MAGI2: variants seen among roughly 807,000 people sequenced by gnomAD.
The protein encoded by MAGI2 is membrane-associated guanylate kinase, WW and PDZ domain-containing protein 2.
Under a neutral mutation model 133.3 loss-of-function variants are expected in MAGI2, and 35 were observed. The ratio of observed to expected loss-of-function variants is 0.26; its 90% confidence interval spans 0.20 to 0.35. The LOEUF (loss-of-function observed/expected upper bound fraction) is 0.35. Ranked by LOEUF, MAGI2 falls within the 10% of genes least tolerant of loss-of-function variation. MAGI2 has a pLI of 1.00. For synonymous variants in MAGI2, 729 were observed against 710.6 expected, an observed-to-expected ratio of 1.03 and a Z score of -0.41; for missense variants, 1,636 against 1,863.4, an observed-to-expected ratio of 0.88 and a Z score of 2.25.
chr7:79,159,115 T>TATATAAGAAAGGATCTCATGCGG (rs1472247718), intron 1 of MAGI2, among the ~76,000 whole-genome samples: 1 of 152,090 alleles, frequency 6.6e-6, no homozygotes, highest in Non-Finnish European at 1.5e-5. Context: ...AAAGTAATTT[T>TATATAAGAAAGGATCTCATGCGG]ATATAAGAAA....
chr7:78,838,033 G>T (rs1791803491), intron 2 of MAGI2, among the ~76,000 whole-genome samples: 1 of 152,098 alleles, frequency 6.6e-6, no homozygotes, highest in Admixed American at 6.6e-5. Context: ...TGACATTGTA[G>T]ATTGACTCTC....
chr7:78,525,936 A>G (rs1584498937), intron 3 of MAGI2, among the ~76,000 whole-genome samples: 1 of 152,238 alleles, frequency 6.6e-6, no homozygotes, highest in South Asian at 2.1e-4. Flanking sequence ...ATATAGATTA[A>G]TGATACTAAA....
chr7:78,326,342 A>G (rs1788586096), intron 9 of MAGI2, among the ~76,000 whole-genome samples: 1 of 152,194 alleles, frequency 6.6e-6, no homozygotes, highest in African/African-American at 2.4e-5. Flanking sequence ...TCCACATGAC[A>G]TCTCCTCTTA....
intron 3 of MAGI2, among the ~76,000 whole-genome samples, chr7:78,603,493 C>A (rs183440040): frequency 1.3e-5 from 2 of 152,282 alleles, no homozygotes; most frequent in African/African-American, 2.4e-5. Context: ...AGATTTGAAG[C>A]TTTCTTGATC....
intron 1 of MAGI2, among the ~76,000 whole-genome samples, chr7:79,102,809 T>G (rs2129543351): frequency 6.6e-6 from 1 of 152,290 alleles, no homozygotes; most frequent in South Asian, 2.1e-4. Flanking sequence ...TAGGCTACAG[T>G]CCCATTATTC....
At chr7:78,986,489 CT>C (rs199513921) in intron 2 of MAGI2, among the ~76,000 whole-genome samples, 12 of 151,204 alleles carry the variant, frequency 7.9e-5, no homozygotes, top group Middle Eastern at 3.4e-3. Context: ...TCAAACCGGT[CT>C]TTTTTTTTCC....
At chr7:78,298,857 C>T (rs539134514) in intron 9 of MAGI2, among the ~76,000 whole-genome samples, 32 of 143,598 alleles carry the variant, frequency 2.2e-4, no homozygotes, top group Non-Finnish European at 4.1e-4. Flanking sequence ...GCTCTGTTGC[C>T]CAGGCTGGAG....
chr7:78,884,966 A>G (rs1796151551), intron 2 of MAGI2, among the ~76,000 whole-genome samples: 1 of 152,206 alleles, frequency 6.6e-6, no homozygotes, highest in Admixed American at 6.5e-5. Flanking sequence ...TGGCAACAAT[A>G]TGCAGCCAAA....
At chr7:78,140,922 T>C (rs1054580336) in intron 16 of MAGI2, among the ~76,000 whole-genome samples, 4 of 152,118 alleles carry the variant, frequency 2.6e-5, no homozygotes, top group Non-Finnish European at 4.4e-5. Context: ...AAAATGCAAA[T>C]GGCAAATACA....
chr7:78,840,802 C>G (rs955458428), intron 2 of MAGI2, among the ~76,000 whole-genome samples: 1 of 149,274 alleles, frequency 6.7e-6, no homozygotes, highest in African/African-American at 2.5e-5. Context: ...AGCTGTGTAC[C>G]CTTGGGCAAA....
chr7:79,159,601 CAA>C (rs1824166004), intron 1 of MAGI2, among the ~76,000 whole-genome samples: 1 of 150,834 alleles, frequency 6.6e-6, no homozygotes, highest in Admixed American at 6.6e-5. Flanking sequence ...CACACTAATA[CAA>C]AACTAACTAA....
intron 1 of MAGI2, among the ~76,000 whole-genome samples, chr7:79,135,400 T>C (rs1469126953): frequency 6.6e-6 from 1 of 152,134 alleles, no homozygotes; most frequent in African/African-American, 2.4e-5. Context: ...AGGAAGAAAC[T>C]CTCAGAGACA....
Position 79,085,784 on chromosome 7 carries a change from A to AATGCT in MAGI2, c.302-78583_302-78579dup, listed in dbSNP as rs541596602. Among the ~76,000 whole-genome samples the AATGCT allele has an allele frequency of 1.0e-3, 153 of 151,964 alleles. 1 individual carries two copies. Among genetic ancestry groups the AATGCT allele is most frequent in the African/African-American group, 3.6e-3 (150 of 41,516 alleles). On this transcript the variant is annotated intron_variant, in intron 1 of 21. Transcript: ENST00000354212. ...TGATCAGTCAGCCTAATTGTCGGCCAATGCTTGGACACAGATTTCCTTACA... is the reference window on the plus strand; with the variant it reads ...TGATCAGTCAGCCTAATTGTCGGCCAATGCTATGCTTGGACACAGATTTCCTTACA...
At chr7:79,281,429 T>C (rs1835632736) in intron 1 of MAGI2, among the ~76,000 whole-genome samples, 1 of 152,170 alleles carries the variant, frequency 6.6e-6, no homozygotes, top group Non-Finnish European at 1.5e-5. Context: ...AACTTTATGA[T>C]GCTTTTATAT....
At chr7:78,838,335 T>C (rs1397703484) in intron 2 of MAGI2, among the ~76,000 whole-genome samples, 1 of 152,088 alleles carries the variant, frequency 6.6e-6, no homozygotes, top group African/African-American at 2.4e-5. Flanking sequence ...AATCATCTAA[T>C]CAGGTTCAGG....
intron 6 of MAGI2, among the ~76,000 whole-genome samples, chr7:78,472,264 G>C (rs1247326903): frequency 1.3e-5 from 2 of 151,946 alleles, no homozygotes; most frequent in Admixed American, 6.6e-5. Flanking sequence ...CTCACATTTA[G>C]TTTAAAAAAT....
intron 3 of MAGI2, among the ~76,000 whole-genome samples, chr7:78,586,908 C>T (rs1803475915): frequency 6.6e-6 from 1 of 152,098 alleles, no homozygotes; most frequent in African/African-American, 2.4e-5. Context: ...TCAGAATTTC[C>T]TTACTTTTTT....
chr7:78,723,844 G>T (rs73365824), intron 2 of MAGI2, among the ~76,000 whole-genome samples: 1 of 152,070 alleles, frequency 6.6e-6, no homozygotes, highest in Non-Finnish European at 1.5e-5. Context: ...TGTTGTGAAA[G>T]GTAGTTGAAG....
At chr7:79,312,519 G>A (rs764346561) in intron 1 of MAGI2, among the ~76,000 whole-genome samples, 7 of 152,034 alleles carry the variant, frequency 4.6e-5, no homozygotes, top group Non-Finnish European at 8.8e-5. Context: ...ATACCGCAAC[G>A]TAGCCTCACC....
Sources: allele counts gnomAD v4.1 joint callset (sites outside exome capture counted in the v4.1 genomes callset), GRCh38; gene constraint gnomAD v4.1.1; transcripts MANE v1.5; gene names NCBI Gene and HGNC (gene_info 2026-07-23, HGNC 2026-07-21).